The following PPARGC1A variants were observed in gnomAD, a reference collection of about 807,000 sequenced individuals.
The protein encoded by PPARGC1A is peroxisome proliferator-activated receptor gamma coactivator 1-alpha.
In PPARGC1A, 25 loss-of-function variants were observed where a neutral mutation model predicts 88.7. That is an observed-to-expected ratio of 0.28 (90% CI 0.21 to 0.39). PPARGC1A has a LOEUF of 0.39. Among genes scored for constraint, PPARGC1A ranks in the 10% least tolerant of loss-of-function variants. The pLI, the probability that PPARGC1A is intolerant of heterozygous loss-of-function variation, is 1.00. For synonymous variants in PPARGC1A, 363 were observed against 355.6 expected (o/e 1.02, Z -0.24); for missense variants, 880 against 968.7 (o/e 0.91, Z 1.22).
intron 2 of PPARGC1A, among the ~76,000 whole-genome samples, chr4:23,872,985 T>C (rs1713750106): frequency 6.6e-6 from 1 of 151,668 alleles, no homozygotes. Context: ...GGTCAGGAGA[T>C]AGAGACCATC....
At chr4:24,146,187 CAA>C in the PPARGC1A span, among the ~76,000 whole-genome samples, 1 of 152,142 alleles carries the variant, frequency 6.6e-6, no homozygotes, top group Non-Finnish European at 1.5e-5. Flanking sequence ...GAGAAGGTGA[CAA>C]AGAGTCACTC....
At chr4:24,222,072 T>C in the PPARGC1A span, among the ~76,000 whole-genome samples, 1 of 152,104 alleles carries the variant, frequency 6.6e-6, no homozygotes, top group Non-Finnish European at 1.5e-5. Flanking sequence ...TCAGGGACCA[T>C]CTCCAAGGGC....
chr4:24,313,836 C>T, the PPARGC1A span, among the ~76,000 whole-genome samples: 2 of 152,064 alleles, frequency 1.3e-5, no homozygotes, highest in Non-Finnish European at 2.9e-5. Context: ...CAAGATTGCT[C>T]ACTGCAAGAT....
chr4:24,387,942 A>T, the PPARGC1A span, among the ~76,000 whole-genome samples: 72 of 136,910 alleles, frequency 5.3e-4, 1 homozygote, highest in Middle Eastern at 3.5e-3. Flanking sequence ...AAGAGAAAGA[A>T]AGAAAGAAAG....
At chr4:23,897,293 G>C (rs1718708795) in intron 1 of PPARGC1A, among the ~76,000 whole-genome samples, 1 of 152,146 alleles carries the variant, frequency 6.6e-6, no homozygotes, top group Non-Finnish European at 1.5e-5. Context: ...GGTGAGTACT[G>C]GAGACTCAAG....
chr4:23,996,912 A>C, the PPARGC1A span, among the ~76,000 whole-genome samples: 2 of 152,196 alleles, frequency 1.3e-5, no homozygotes, highest in Non-Finnish European at 2.9e-5. Context: ...CAGTAATTAA[A>C]CTTCATCTCT....
the PPARGC1A span, among the ~76,000 whole-genome samples, chr4:23,977,385 CCTCTA>C: frequency 1.3e-5 from 2 of 152,172 alleles, no homozygotes; most frequent in Non-Finnish European, 2.9e-5. Context: ...AGTAAAATTA[CCTCTA>C]CTCTAAAGAG....
At chr4:23,945,279 G>A in the PPARGC1A span, among the ~76,000 whole-genome samples, 1 of 151,222 alleles carries the variant, frequency 6.6e-6, no homozygotes, top group African/African-American at 2.4e-5. Context: ...TACATTTTAG[G>A]TACCAAAAAT....
chr4:24,080,619 A>G, the PPARGC1A span, among the ~76,000 whole-genome samples: 1 of 152,272 alleles, frequency 6.6e-6, no homozygotes, highest in East Asian at 1.9e-4. Context: ...CAACAAGAAT[A>G]ATCATTGCTA....
the PPARGC1A span, among the ~76,000 whole-genome samples, chr4:24,064,246 A>T: frequency 6.6e-6 from 1 of 152,180 alleles, no homozygotes; most frequent in Non-Finnish European, 1.5e-5. Flanking sequence ...GTAATAACGA[A>T]GAGGGGAGGG....
At chr4:24,402,951 G>A in the PPARGC1A span, among the ~76,000 whole-genome samples, 2 of 152,222 alleles carry the variant, frequency 1.3e-5, no homozygotes, top group Non-Finnish European at 2.9e-5. Flanking sequence ...ATTAGGGGCT[G>A]AATGAATACT....
the PPARGC1A span, among the ~76,000 whole-genome samples, chr4:24,144,970 T>C: frequency 2.0e-5 from 3 of 152,056 alleles, no homozygotes; most frequent in East Asian, 5.8e-4. Context: ...AAGTACTAAC[T>C]TTTTTAGTCT....
At chr4:23,932,596 A>C in the PPARGC1A span, among the ~76,000 whole-genome samples, 1 of 152,238 alleles carries the variant, frequency 6.6e-6, no homozygotes, top group South Asian at 2.1e-4. Flanking sequence ...AAAACGAAGT[A>C]GTGTTTTTTT....
chr4:23,934,773 GAGGCTCATCT>G, the PPARGC1A span, among the ~76,000 whole-genome samples: 1 of 152,186 alleles, frequency 6.6e-6, no homozygotes, highest in Non-Finnish European at 1.5e-5. Context: ...TAAGGAAACT[GAGGCTCATCT>G]AGGTTTTAAG....
the PPARGC1A span, among the ~76,000 whole-genome samples, chr4:23,993,865 C>T: frequency 6.6e-6 from 1 of 152,154 alleles, no homozygotes; most frequent in East Asian, 1.9e-4. Context: ...TCTTGAGTGA[C>T]TAGGATGCCA....
the PPARGC1A span, among the ~76,000 whole-genome samples, chr4:24,110,786 G>A: frequency 6.6e-6 from 1 of 152,092 alleles, no homozygotes. Flanking sequence ...AACTTCTCAA[G>A]AACCCAATGA....
the PPARGC1A span, among the ~76,000 whole-genome samples, chr4:24,027,233 G>GTGTGTC: frequency 5.3e-5 from 8 of 150,164 alleles, no homozygotes; most frequent in African/African-American, 2.0e-4. Context: ...GTGTCTGTGT[G>GTGTGTC]TGTCTGTGTG....
chr4:23,987,293 G>A, the PPARGC1A span, among the ~76,000 whole-genome samples: 1 of 151,996 alleles, frequency 6.6e-6, no homozygotes, highest in Non-Finnish European at 1.5e-5. Flanking sequence ...AACAGCAAAA[G>A]GTGATTTCTT....
the PPARGC1A span, among the ~76,000 whole-genome samples, chr4:24,027,235 GTC>G: frequency 1.3e-5 from 2 of 150,288 alleles, no homozygotes; most frequent in African/African-American, 5.0e-5. Context: ...GTCTGTGTGT[GTC>G]TGTGTGTGTG....
Sources: allele counts gnomAD v4.1 joint callset (sites outside exome capture counted in the v4.1 genomes callset), GRCh38; gene constraint gnomAD v4.1.1; transcripts MANE v1.5; gene names NCBI Gene and HGNC (gene_info 2026-07-23, HGNC 2026-07-21).